TAFA1: variants seen among roughly 807,000 people sequenced by gnomAD.
The protein encoded by TAFA1 is TAFA chemokine like family member 1, also known as chemokine-like protein TAFA-1.
In TAFA1, 4 loss-of-function variants were observed where a neutral mutation model predicts 18.5. The ratio of observed to expected loss-of-function variants is 0.22; its 90% CI spans 0.11 to 0.49. TAFA1 has a LOEUF of 0.49. Ranked by LOEUF, TAFA1 falls within the 20% of genes least tolerant of loss-of-function variation. The pLI is 0.98. For synonymous variants in TAFA1, 56 were observed against 55.2 expected, an observed-to-expected ratio of 1.01 and a Z score of -0.06; for missense variants, 147 against 169.0, an observed-to-expected ratio of 0.87 and a Z score of 0.72.
At chr3:68,259,237 GCTTTA>G (rs2067359876) in intron 2 of TAFA1, among the ~76,000 whole-genome samples, 2 of 152,282 alleles carry the variant, frequency 1.3e-5, no homozygotes, top group Admixed American at 1.3e-4. Flanking sequence ...GTATTCCACA[GCTTTA>G]CTTTCCTTTT....
At chr3:68,201,048 A>T (rs746426509) in intron 2 of TAFA1, among the ~76,000 whole-genome samples, 11 of 151,704 alleles carry the variant, frequency 7.3e-5, no homozygotes, top group East Asian at 2.0e-4. Context: ...CTGTATTCCA[A>T]CAATTTTGGT....
chr3:68,204,558 G>T (rs761884093), intron 2 of TAFA1, among the ~76,000 whole-genome samples: 4 of 151,840 alleles, frequency 2.6e-5, no homozygotes, highest in Non-Finnish European at 5.9e-5. Context: ...TCTGAATCAC[G>T]TGCCTTTGCA....
rs534743834 is a variant in TAFA1 at position 68,229,218 on chromosome 3, A to G, written c.119-188062A>G. ...GAGTATTTCCTCACTGATTTTCTTC[A>G]TTGGCAGTCAAGCAGATAACTAAGA... On this transcript the variant is annotated intron_variant, in intron 2 of 4. Coordinates refer to ENST00000478136, the MANE Select transcript of TAFA1 (RefSeq NM_213609.4). Among the ~76,000 whole-genome samples the G allele has an allele frequency of 1.5e-4, 23 of 152,292 alleles. No individual in the cohort carries two copies. In the East Asian group the frequency reaches 2.1e-3, roughly 14 times the overall value.
intron 2 of TAFA1, among the ~76,000 whole-genome samples, chr3:68,272,534 A>G (rs1411113481): frequency 6.6e-6 from 1 of 152,196 alleles, no homozygotes; most frequent in African/African-American, 2.4e-5. Flanking sequence ...ATAATGATTC[A>G]ATGCAAATTA....
At chr3:68,037,377 G>A (rs1269824503) in intron 2 of TAFA1, among the ~76,000 whole-genome samples, 1 of 152,166 alleles carries the variant, frequency 6.6e-6, no homozygotes, top group African/African-American at 2.4e-5. Flanking sequence ...TATCTTAGAA[G>A]CCTGTAATGA....
intron 3 of TAFA1, among the ~76,000 whole-genome samples, chr3:68,503,274 C>G (rs1166613912): frequency 2.6e-5 from 4 of 152,114 alleles, no homozygotes; most frequent in Non-Finnish European, 5.9e-5. Flanking sequence ...GGTCCCATCC[C>G]CACAGTATCT....
At chr3:68,525,135 T>G (rs2073089700) in intron 3 of TAFA1, among the ~76,000 whole-genome samples, 1 of 152,216 alleles carries the variant, frequency 6.6e-6, no homozygotes, top group African/African-American at 2.4e-5. Context: ...GAAACATTGC[T>G]GCATGTATAT....
chr3:68,170,135 G>T (rs939722399), intron 2 of TAFA1, among the ~76,000 whole-genome samples: 1 of 152,116 alleles, frequency 6.6e-6, no homozygotes, highest in Admixed American at 6.5e-5. Context: ...TGGAATTTTA[G>T]TGTGCCTTAT....
At chr3:68,099,486 T>C (rs7427056) in intron 2 of TAFA1, among the ~76,000 whole-genome samples, 59,751 of 151,888 alleles carry the variant, frequency 0.39, 11,919 homozygotes, top group East Asian at 0.49. Flanking sequence ...ATGGCTATTA[T>C]TAAAAAGTCA....
At chr3:68,417,465 C>T (rs747678185) in intron 3 of TAFA1, 45 bp downstream of exon 3, 6 of 1,579,340 alleles carry the variant, frequency 3.8e-6, no homozygotes, top group African/African-American at 1.4e-5. Context: ...ATGGCATTCA[C>T]TATACATAAT....
intron 2 of TAFA1, among the ~76,000 whole-genome samples, chr3:68,356,108 A>G (rs937921755): frequency 1.3e-5 from 2 of 151,934 alleles, no homozygotes; most frequent in Non-Finnish European, 2.9e-5. Flanking sequence ...GAACATTTCC[A>G]CCACAATAGA....
intron 2 of TAFA1, among the ~76,000 whole-genome samples, chr3:68,131,444 C>T (rs2065535833): frequency 6.6e-6 from 1 of 152,180 alleles, no homozygotes; most frequent in African/African-American, 2.4e-5. Flanking sequence ...GTTTAATTAC[C>T]TTCAAGTATT....
At chr3:68,023,414 A>G (rs1238543611) in intron 2 of TAFA1, among the ~76,000 whole-genome samples, 1 of 152,144 alleles carries the variant, frequency 6.6e-6, no homozygotes, top group African/African-American at 2.4e-5. Context: ...TTGACTTGGA[A>G]GTAACTTGCA....
chr3:68,495,635 C>T (rs932545688), intron 3 of TAFA1, among the ~76,000 whole-genome samples: 1 of 152,066 alleles, frequency 6.6e-6, no homozygotes, highest in African/African-American at 2.4e-5. Flanking sequence ...ATTGCTTCCA[C>T]CGAGTTTTCC....
At chr3:68,367,061 A>C (rs766334902) in intron 2 of TAFA1, among the ~76,000 whole-genome samples, 2 of 152,204 alleles carry the variant, frequency 1.3e-5, no homozygotes, top group Non-Finnish European at 2.9e-5. Context: ...ATTTAAGATC[A>C]TTATAAGGTG....
At chr3:68,418,968 T>C (rs2070900130) in intron 3 of TAFA1, among the ~76,000 whole-genome samples, 1 of 152,170 alleles carries the variant, frequency 6.6e-6, no homozygotes, top group Non-Finnish European at 1.5e-5. Context: ...GTATCTCATG[T>C]GGTTGCAGTC....
intron 2 of TAFA1, among the ~76,000 whole-genome samples, chr3:68,197,935 G>T (rs1205148859): frequency 6.6e-6 from 1 of 151,726 alleles, no homozygotes; most frequent in South Asian, 2.1e-4. Context: ...CTGCTAGAAT[G>T]TAAGTTCTGT....
At chr3:68,118,629 G>C (rs1176921831) in intron 2 of TAFA1, among the ~76,000 whole-genome samples, 9 of 152,124 alleles carry the variant, frequency 5.9e-5, no homozygotes, top group Non-Finnish European at 1.3e-4. Flanking sequence ...TGCAGTATTT[G>C]TCTTTTTTGT....
rs374499006 is a variant in TAFA1, at chr3:68,342,282, G to T, written c.119-74998G>T. On this transcript the variant is annotated intron_variant, in intron 2 of 4. Transcript: ENST00000478136. ...GAAAGTACTAGAAAATCTAAGATTT[G>T]CCATCTTGATGCAGAACAACAAAGT... Among the ~76,000 whole-genome samples, 11 of 152,286 alleles carry T rather than the reference G, an allele frequency of 7.2e-5. No individual in the cohort carries two copies. In the East Asian group the frequency reaches 2.1e-3, roughly 29 times the overall value.
Sources: allele counts gnomAD v4.1 joint callset (sites outside exome capture counted in the v4.1 genomes callset), GRCh38; gene constraint gnomAD v4.1.1; transcripts MANE v1.5; gene names NCBI Gene and HGNC (gene_info 2026-07-23, HGNC 2026-07-21).